The following RCC1L variants were observed in gnomAD, a reference collection of about 807,000 sequenced individuals.
RCC1L encodes the protein RCC1-like G exchanging factor-like protein.
Under a neutral mutation model 58.6 loss-of-function variants are expected in RCC1L, and 46 were observed. The ratio of observed to expected loss-of-function variants is 0.79; its 90% CI spans 0.62 to 1.00. The LOEUF (loss-of-function observed/expected upper bound fraction) is 1.00. RCC1L is among the 50% of genes least tolerant of loss of function. RCC1L has a pLI of 0.00. For missense variants in RCC1L, 636 were observed against 623.6 expected (o/e 1.02, Z -0.21); for synonymous variants, 281 against 262.9 (o/e 1.07, Z -0.67).
At chr7:75,067,642 A>G (rs1197332068) in intron 2 of RCC1L, among the ~76,000 whole-genome samples, 2 of 151,184 alleles carry the variant, frequency 1.3e-5, no homozygotes, top group African/African-American at 4.9e-5. Flanking sequence ...TAAAAAAAAA[A>G]TACAAAAATA....
intron 10 of RCC1L, among the ~76,000 whole-genome samples, chr7:75,033,502 C>CAGGCAGG (rs1805361996): frequency 2.0e-5 from 3 of 152,038 alleles, no homozygotes; most frequent in Non-Finnish European, 4.4e-5. Context: ...CGAGACCAGC[C>CAGGCAGG]TGGCCAAAAT....
At position 75,049,486 on chromosome 7, in the gene RCC1L, T is replaced by TA. The variant is rs1470334111; in HGVS notation, c.1317+3224dup. On this transcript the variant is annotated intron_variant, in intron 10 of 10. Transcript: ENST00000610322. ...GATCAACACATAAGACCCCGTCTCT[T>TA]AAAAAAAAAACGAAAAAAAAATTAT... 3.1e-3 allele frequency among the ~76,000 whole-genome samples: 452 copies of TA among 145,788 alleles called. 3 individuals carry two copies. Among genetic ancestry groups the TA allele is most frequent in the African/African-American group, 0.01 (407 of 39,742 alleles).
At chr7:75,069,699 C>A (rs186464682) in intron 2 of RCC1L, among the ~76,000 whole-genome samples, 2 of 152,086 alleles carry the variant, frequency 1.3e-5, no homozygotes, top group Non-Finnish European at 1.5e-5. Context: ...GTAGCTGGGA[C>A]TATACAGGTG....
chr7:75,061,694 C>A (rs1381983124), intron 5 of RCC1L, among the ~76,000 whole-genome samples: 1 of 152,134 alleles, frequency 6.6e-6, no homozygotes, highest in African/African-American at 2.4e-5. Flanking sequence ...GCCCTCCTCT[C>A]TCCTCACTCC....
At chr7:75,069,492 C>A (rs1203268839) in intron 2 of RCC1L, among the ~76,000 whole-genome samples, 1 of 150,172 alleles carries the variant, frequency 6.7e-6, no homozygotes, top group Non-Finnish European at 1.5e-5. Context: ...CAGGCGTGAG[C>A]CCCTGTGCCT....
In RCC1L at chr7:75,056,186, T is replaced by C. The variant is rs986403264; in HGVS notation, c.1058-112A>G. On this transcript the variant is annotated intron_variant, in intron 8 of 10. Coordinates refer to ENST00000610322, the MANE Select transcript of RCC1L (RefSeq NM_030798.5). ...ATGACATCCACACGGTTTTTTTTTG[T>C]TTTTTTTTTGTTTTGTTTTTTTCCT... is the stretch of plus-strand genomic sequence containing the variant. 12 of 1,191,744 alleles carry C rather than the reference T, an allele frequency of 1.0e-5. No individual in the cohort carries two copies. The Admixed American group carries it at 1.1e-4, about 11-fold the overall frequency. The allele number at this position is 1,191,744 out of a possible 1,614,324, so 73.8% of individuals were successfully genotyped here.
chr7:75,072,143 C>CATATAT (rs1806761676), intron 1 of RCC1L, among the ~76,000 whole-genome samples: 1 of 63,968 alleles, frequency 1.6e-5, no homozygotes, highest in African/African-American at 4.7e-5. Flanking sequence ...TAAATTTATA[C>CATATAT]ATATACATAT....
At chr7:75,040,060 G>C (rs1298802776), downstream of RCC1L, among the ~76,000 whole-genome samples, 1 of 152,092 alleles carries the variant, frequency 6.6e-6, no homozygotes, top group African/African-American at 2.4e-5. Flanking sequence ...CCCACAGAAG[G>C]CACAGCCAAG....
At chr7:75,048,784 C>G (rs1410775513) in intron 10 of RCC1L, among the ~76,000 whole-genome samples, 17 of 152,356 alleles carry the variant, frequency 1.1e-4, no homozygotes, top group African/African-American at 4.1e-4. Flanking sequence ...ATGTTCCGTG[C>G]CACTGCGTGC....
At chr7:75,044,881 G>C (rs1805673671) in intron 10 of RCC1L, among the ~76,000 whole-genome samples, 1 of 152,136 alleles carries the variant, frequency 6.6e-6, no homozygotes. Flanking sequence ...AATTAGCTGG[G>C]CATGGTGGCA....
rs1805878027 is a variant in RCC1L, at chr7:75,050,701, C to CT, written c.1317+2009dup. Among the ~76,000 whole-genome samples, 3 of 152,190 alleles carry CT rather than the reference C, an allele frequency of 2.0e-5. No homozygotes were observed. The South Asian group carries it at 6.2e-4, about 31-fold the overall frequency. On this transcript the variant is annotated intron_variant, in intron 10 of 10. Transcript: ENST00000610322. ...TATCTGAGCCACACCCACTGCCCGA[C>CT]TCTCTGTTCCTCACACCGGCAGTTT... is the stretch of plus-strand genomic sequence containing the variant.
chr7:75,068,034 C>T (rs1242395911), intron 2 of RCC1L, among the ~76,000 whole-genome samples: 3 of 151,988 alleles, frequency 2.0e-5, no homozygotes, highest in Non-Finnish European at 2.9e-5. Context: ...AAAAATGTAA[C>T]GCGGGCCGGG....
chr7:75,037,629 C>T (rs1805457452), downstream of RCC1L, among the ~76,000 whole-genome samples: 1 of 151,956 alleles, frequency 6.6e-6, no homozygotes, highest in Non-Finnish European at 1.5e-5. Flanking sequence ...CTCAGCCTCC[C>T]AAGTAGCTGG....
intron 10 of RCC1L, among the ~76,000 whole-genome samples, chr7:75,046,406 G>A (rs1376198360): frequency 2.0e-5 from 3 of 152,296 alleles, no homozygotes; most frequent in East Asian, 1.9e-4. Context: ...GCTTCCTCAC[G>A]GCTGCACTTA....
intron 10 of RCC1L, among the ~76,000 whole-genome samples, chr7:75,031,809 C>A (rs995109018): frequency 2.6e-5 from 4 of 152,188 alleles, no homozygotes; most frequent in African/African-American, 7.2e-5. Context: ...CTGAGTGATT[C>A]TGGCTCAGAG....
chr7:75,038,853 A>G (rs1439250706), downstream of RCC1L, among the ~76,000 whole-genome samples: 1 of 152,150 alleles, frequency 6.6e-6, no homozygotes, highest in East Asian at 1.9e-4. Flanking sequence ...GTGGCAGATG[A>G]CATCCTCCTG....
chr7:75,064,257 G>A (rs1554444774), intron 4 of RCC1L, among the ~76,000 whole-genome samples: 1 of 151,998 alleles, frequency 6.6e-6, no homozygotes, highest in East Asian at 1.9e-4. Context: ...TTGAACCTGG[G>A]AGGCAGAGGT....
In RCC1L at chr7:75,042,612, C is replaced by T. The variant is rs1805599603; in HGVS notation, c.*420G>A. On this transcript the variant is annotated 3_prime_UTR_variant, in exon 11 of 11. Coordinates refer to ENST00000610322, the MANE Select transcript of RCC1L (RefSeq NM_030798.5). ...CCCTCGCCTAAGCTGGGGCTCGGTCCGAGGCACACGCATGGCCTTGGCCAG... is the reference window on the plus strand; with the variant it reads ...CCCTCGCCTAAGCTGGGGCTCGGTCTGAGGCACACGCATGGCCTTGGCCAG... 4 of 1,019,834 alleles carry T rather than the reference C, an allele frequency of 3.9e-6. No individual in the cohort carries two copies. Among genetic ancestry groups the T allele is most frequent in the Admixed American group, 5.1e-5 (1 of 19,552 alleles). 63.2% of individuals were successfully genotyped at this position (1,019,834 alleles called of 1,614,324 possible).
chr7:75,055,090 T>A (rs1217661761), intron 9 of RCC1L, among the ~76,000 whole-genome samples: 1 of 152,250 alleles, frequency 6.6e-6, no homozygotes, highest in African/African-American at 2.4e-5. Flanking sequence ...ACCAACTGAC[T>A]GTCCCGGCCT....
Sources: gnomAD v4.1 joint callset for allele counts (sites outside exome capture counted in the v4.1 genomes callset) on GRCh38, gnomAD v4.1.1 for gene constraint, MANE v1.5 for transcripts, NCBI Gene and HGNC (gene_info 2026-07-23, HGNC 2026-07-21) for gene names.